The following GRIP1 variants were observed in gnomAD, a reference collection of about 807,000 sequenced individuals.
The protein encoded by GRIP1 is glutamate receptor interacting protein 1.
In GRIP1, 45 loss-of-function variants were observed where a neutral mutation model predicts 129.9. The observed-to-expected ratio is 0.35, with a 90% CI of 0.27 to 0.44. The LOEUF (loss-of-function observed/expected upper bound fraction) is 0.44, where lower values mean the gene tolerates loss of function less well. GRIP1 is among the 20% of genes least tolerant of loss of function. GRIP1 has a pLI of 1.00. For missense variants in GRIP1, 1,196 were observed against 1,396.8 expected (o/e 0.86, Z 2.29); for synonymous variants, 530 against 520.8 (o/e 1.02, Z -0.24).
intron 1 of GRIP1, among the ~76,000 whole-genome samples, chr12:66,636,562 C>A (rs967028291): frequency 2.0e-5 from 3 of 152,020 alleles, no homozygotes; most frequent in Non-Finnish European, 2.9e-5. Flanking sequence ...TATGTTGAAC[C>A]CTAACCTCCC....
intron 1 of GRIP1, among the ~76,000 whole-genome samples, chr12:66,992,308 T>C (rs2042405179): frequency 6.6e-6 from 1 of 152,176 alleles, no homozygotes; most frequent in African/African-American, 2.4e-5. Context: ...CAGGCTGCAT[T>C]TGGCAATCAT....
At chr12:66,697,522 C>G (rs1161950393) in intron 1 of GRIP1, among the ~76,000 whole-genome samples, 1 of 152,150 alleles carries the variant, frequency 6.6e-6, no homozygotes, top group African/African-American at 2.4e-5. Context: ...TGGCCGACAA[C>G]ACAAATGCAC....
intron 1 of GRIP1, among the ~76,000 whole-genome samples, chr12:66,629,812 C>T (rs1412775079): frequency 6.6e-6 from 1 of 152,132 alleles, no homozygotes; most frequent in Non-Finnish European, 1.5e-5. Context: ...ATTACATTCC[C>T]ATGTTGAAAT....
chr12:66,805,745 TAGAA>T (rs897210543), upstream of GRIP1, among the ~76,000 whole-genome samples: 59 of 152,156 alleles, frequency 3.9e-4, no homozygotes, highest in African/African-American at 1.4e-3. Context: ...GAAATTTACT[TAGAA>T]AGGCAAATAT....
chr12:66,922,970 A>G (rs1026601825), intron 1 of GRIP1, among the ~76,000 whole-genome samples: 6 of 152,226 alleles, frequency 3.9e-5, no homozygotes, highest in African/African-American at 1.4e-4. Context: ...AGAAAAAAAT[A>G]TTGATATATA....
At chr12:66,639,957 C>T (rs1279531640) in intron 1 of GRIP1, among the ~76,000 whole-genome samples, 1 of 152,100 alleles carries the variant, frequency 6.6e-6, no homozygotes, top group African/African-American at 2.4e-5. Context: ...ACCAACAACC[C>T]CTTGAACATA....
chr12:66,769,745 G>A (rs1380615115), intron 1 of GRIP1, among the ~76,000 whole-genome samples: 1 of 151,928 alleles, frequency 6.6e-6, no homozygotes, highest in Non-Finnish European at 1.5e-5. Context: ...TGGTCTTTTT[G>A]CAATATTTGT....
chr12:66,839,226 A>C (rs2039671678), intron 1 of GRIP1, among the ~76,000 whole-genome samples: 1 of 152,176 alleles, frequency 6.6e-6, no homozygotes, highest in South Asian at 2.1e-4. Context: ...TGTCAGTAAA[A>C]AAATGGACAT....
intron 1 of GRIP1, among the ~76,000 whole-genome samples, chr12:66,990,033 C>T (rs189722953): frequency 3.3e-4 from 50 of 152,220 alleles, no homozygotes; most frequent in African/African-American, 1.1e-3. Context: ...TCCTAGAAGG[C>T]GGATATTCCT....
chr12:66,633,280 T>C (rs866865078), intron 1 of GRIP1, among the ~76,000 whole-genome samples: 36 of 138,168 alleles, frequency 2.6e-4, no homozygotes, highest in Middle Eastern at 3.6e-3. Context: ...ATATTATATA[T>C]ATATTATACT....
rs184300340 is a variant in GRIP1, at chr12:66,548,309, G to T, written c.137-6359C>A. Among the ~76,000 whole-genome samples the T allele has an allele frequency of 1.7e-3, 260 of 152,328 alleles. 1 individual carries two copies. Among genetic ancestry groups the T allele is most frequent in the Middle Eastern group, 3.4e-3 (1 of 294 alleles). ...AAAATTCTGAGACACTAAAGGCTCT[G>T]TGGACTGAGAAAGTTTAGAAACTTC... is the stretch of plus-strand genomic sequence containing the variant. On this transcript the variant is annotated intron_variant, in intron 2 of 24. Coordinates refer to ENST00000359742, the MANE Select transcript of GRIP1 (RefSeq NM_001366722.1).
chr12:66,827,185 C>G (rs566754769), intron 1 of GRIP1, among the ~76,000 whole-genome samples: 1 of 152,046 alleles, frequency 6.6e-6, no homozygotes, highest in African/African-American at 2.4e-5. Context: ...TTCTCTTTGT[C>G]GGATCTCTCA....
intron 1 of GRIP1, among the ~76,000 whole-genome samples, chr12:66,820,308 C>A (rs1859952246): frequency 6.6e-6 from 1 of 152,192 alleles, no homozygotes; most frequent in African/African-American, 2.4e-5. Context: ...TAAGAAAGCA[C>A]TACACACCTA....
intron 1 of GRIP1, among the ~76,000 whole-genome samples, chr12:67,048,285 C>A (rs1436490479): frequency 6.6e-6 from 1 of 151,928 alleles, no homozygotes; most frequent in African/African-American, 2.4e-5. Flanking sequence ...CTTATAACAA[C>A]ATATACATTG....
intron 1 of GRIP1, among the ~76,000 whole-genome samples, chr12:66,824,030 A>T (rs1422886905): frequency 6.6e-6 from 1 of 152,196 alleles, no homozygotes; most frequent in Non-Finnish European, 1.5e-5. Context: ...TGCAGCTGCC[A>T]CAAGGCCCTA....
chr12:66,837,277 A>G (rs1422285676), intron 1 of GRIP1, among the ~76,000 whole-genome samples: 1 of 152,222 alleles, frequency 6.6e-6, no homozygotes, highest in Non-Finnish European at 1.5e-5. Context: ...AGAGTAAAGG[A>G]GAGAGAGATT....
chr12:66,972,524 T>C (rs1435639106), intron 1 of GRIP1, among the ~76,000 whole-genome samples: 1 of 152,212 alleles, frequency 6.6e-6, no homozygotes. Flanking sequence ...AGTGGAAAGC[T>C]GAATTTTTTA....
At chr12:66,967,331 A>G (rs2042012848) in intron 1 of GRIP1, among the ~76,000 whole-genome samples, 1 of 152,172 alleles carries the variant, frequency 6.6e-6, no homozygotes, top group Non-Finnish European at 1.5e-5. Flanking sequence ...TTCAAAATAT[A>G]TGCAACATGT....
chr12:66,404,983 G>GT (rs1172998317), intron 16 of GRIP1, among the ~76,000 whole-genome samples: 3 of 152,296 alleles, frequency 2.0e-5, no homozygotes, highest in African/African-American at 7.2e-5. Context: ...AGTGAGCAGA[G>GT]TTGGCGCCAC....
Sources: allele counts gnomAD v4.1 joint callset (sites outside exome capture counted in the v4.1 genomes callset), GRCh38; gene constraint gnomAD v4.1.1; transcripts MANE v1.5; gene names NCBI Gene and HGNC (gene_info 2026-07-23, HGNC 2026-07-21).